The following NOL10 variants were observed in gnomAD, a reference collection of about 807,000 sequenced individuals.
NOL10 encodes nucleolar protein 10, also known as H_NH0074G24.1.
NOL10 carries 58 observed loss-of-function variants against 103.5 expected under a neutral mutation model. That is an observed-to-expected ratio of 0.56 (90% CI 0.45 to 0.70). The LOEUF is 0.70. Ranked by LOEUF, NOL10 falls within the 30% of genes least tolerant of loss-of-function variation. The pLI, the probability that NOL10 is intolerant of heterozygous loss-of-function variation, is 0.00. For synonymous variants in NOL10, 287 were observed against 282.5 expected, an observed-to-expected ratio of 1.02 and a Z score of -0.16; for missense variants, 763 against 807.3, an observed-to-expected ratio of 0.95 and a Z score of 0.67.
At chr2:10,660,260 C>T (rs1289565323) in intron 9 of NOL10, among the ~76,000 whole-genome samples, 1 of 152,210 alleles carries the variant, frequency 6.6e-6, no homozygotes, top group Non-Finnish European at 1.5e-5. Context: ...TCAAAGTATA[C>T]TTAATCATTT....
intron 19 of NOL10, among the ~76,000 whole-genome samples, chr2:10,583,683 C>T (rs923290272): frequency 6.6e-6 from 1 of 152,298 alleles, no homozygotes; most frequent in African/African-American, 2.4e-5. Context: ...GGAGTTTGTG[C>T]TCCTTTTTCT....
chr2:10,658,791 C>T (rs1216787796), intron 10 of NOL10, among the ~76,000 whole-genome samples: 5 of 152,254 alleles, frequency 3.3e-5, no homozygotes, highest in South Asian at 2.1e-4. Flanking sequence ...CAAGAGAATA[C>T]CTATGGCCAA....
Position 10,589,658 on chromosome 2 carries a change from G to A in NOL10, c.1516C>T (p.Leu506=), listed in dbSNP as rs750851307. The A allele has an allele frequency of 6.3e-7, 1 of 1,591,662 alleles. No homozygotes were observed. The highest frequency in any genetic ancestry group is 2.2e-5 in the East Asian group (1 of 44,518). Residue 506 remains leucine (L), a synonymous_variant, in exon 18 of 21, where the codon CTG becomes TTG. Transcript: ENST00000381685. Reference sequence around the variant, plus strand: ...CTAATTTTTGAAACAAGTGGATTCAGAAGCCTAAATTCTTCACTCTCTTCA... The same window carrying A: ...CTAATTTTTGAAACAAGTGGATTCAAAAGCCTAAATTCTTCACTCTCTTCA... The part of the protein sequence containing the change: ...VDEESEEFRL[L]NPLVSKISEK...
intron 13 of NOL10, among the ~76,000 whole-genome samples, chr2:10,629,454 C>T (rs779689493): frequency 3.3e-5 from 5 of 151,724 alleles, no homozygotes; most frequent in Non-Finnish European, 7.4e-5. Flanking sequence ...ACCATATTAA[C>T]AAAGTTTCAG....
chr2:10,636,797 C>T (rs148774298), intron 13 of NOL10, among the ~76,000 whole-genome samples: 1 of 152,252 alleles, frequency 6.6e-6, no homozygotes, highest in Non-Finnish European at 1.5e-5. Flanking sequence ...AAGTACCTCT[C>T]TAACAGACAA....
At chr2:10,631,517 T>C (rs1320210418) in intron 13 of NOL10, among the ~76,000 whole-genome samples, 1 of 152,228 alleles carries the variant, frequency 6.6e-6, no homozygotes, top group Non-Finnish European at 1.5e-5. Flanking sequence ...AATTAACCTA[T>C]CTTCTTAACA....
chr2:10,637,182 C>T (rs1232544519), intron 13 of NOL10, among the ~76,000 whole-genome samples: 4 of 89,412 alleles, frequency 4.5e-5, no homozygotes, highest in Non-Finnish European at 8.2e-5. Flanking sequence ...GAGCAAGACA[C>T]TGTCTCAAAA....
chr2:10,671,477 A>C (rs960752116), intron 6 of NOL10, 77 bp downstream of exon 6: 5 of 1,242,538 alleles, frequency 4.0e-6, no homozygotes, highest in Middle Eastern at 2.0e-4. Context: ...TAAACAGAGA[A>C]AATGTACACG....
At chr2:10,672,552 CAT>C (rs1242505973) in intron 5 of NOL10, among the ~76,000 whole-genome samples, 1 of 152,122 alleles carries the variant, frequency 6.6e-6, no homozygotes, top group Non-Finnish European at 1.5e-5. Flanking sequence ...AGCTGTACCC[CAT>C]AGTTTCCAAA....
chr2:10,647,576 G>C (rs1056505048), intron 12 of NOL10, among the ~76,000 whole-genome samples: 1 of 152,208 alleles, frequency 6.6e-6, no homozygotes, highest in African/African-American at 2.4e-5. Flanking sequence ...GTGTTGGGAA[G>C]TGCTGCGCAA....
intron 5 of NOL10, among the ~76,000 whole-genome samples, chr2:10,672,196 G>A (rs778751879): frequency 2.0e-5 from 3 of 151,932 alleles, no homozygotes; most frequent in South Asian, 2.1e-4. Context: ...GCATGGTGGC[G>A]CATGCCTGTA....
At chr2:10,631,140 C>T (rs1477442299) in intron 13 of NOL10, among the ~76,000 whole-genome samples, 2 of 152,130 alleles carry the variant, frequency 1.3e-5, no homozygotes, top group African/African-American at 4.8e-5. Flanking sequence ...AGATTCAGGG[C>T]CATTTCAACA....
At chr2:10,682,102 T>A in intron 2 of NOL10, 33 bp from the exon 3 acceptor site, 1 of 965,392 alleles carries the variant, frequency 1.0e-6, no homozygotes, top group Non-Finnish European at 1.5e-6. Context: ...CTAGTTTAAC[T>A]AACATGTGCT....
intron 17 of NOL10, among the ~76,000 whole-genome samples, chr2:10,599,522 A>G (rs574201607): frequency 6.6e-6 from 1 of 152,350 alleles, no homozygotes; most frequent in South Asian, 2.1e-4. Flanking sequence ...GAAGGTGCAG[A>G]GCCATTACAC....
In NOL10 at chr2:10,571,907, A is replaced by T; in HGVS notation, c.*164T>A. 1.2e-6 allele frequency: 1 copy of T among 811,834 alleles called. No homozygotes were observed. Among genetic ancestry groups the T allele is most frequent in the Non-Finnish European group, 1.9e-6 (1 of 536,116 alleles). The allele number at this position is 811,834 out of a possible 1,614,324, so 50.3% of individuals were successfully genotyped here. A position where few individuals can be genotyped will look rare whatever the true frequency, so the allele number is the denominator to read the frequency against. Reference sequence around the variant, plus strand: ...TGGCCGTCGGCGGGGCCAGCTTCAAAGTCCAACCCACAAGGCACAGGTTTT... The same window carrying T: ...TGGCCGTCGGCGGGGCCAGCTTCAATGTCCAACCCACAAGGCACAGGTTTT... On this transcript the variant is annotated 3_prime_UTR_variant, in exon 21 of 21. Transcript: ENST00000381685.
intron 17 of NOL10, among the ~76,000 whole-genome samples, chr2:10,599,837 C>T (rs7587114): frequency 0.59 from 89,654 of 151,636 alleles, 27,492 homozygotes; most frequent in African/African-American, 0.74. Flanking sequence ...CCCATGAAGA[C>T]GAGCAATCGC....
intron 12 of NOL10, among the ~76,000 whole-genome samples, chr2:10,649,750 CT>C (rs536704463): frequency 3.9e-5 from 6 of 152,276 alleles, no homozygotes; most frequent in South Asian, 4.1e-4. Flanking sequence ...TGCAGCCCCC[CT>C]GGTCACTGTT....
intron 13 of NOL10, among the ~76,000 whole-genome samples, chr2:10,636,436 A>C (rs1464439134): frequency 6.7e-6 from 1 of 150,206 alleles, no homozygotes; most frequent in Admixed American, 6.6e-5. Flanking sequence ...AAAAAAAAAA[A>C]AAAAAAAAAA....
chr2:10,627,120 G>A (rs1677519889), intron 13 of NOL10, among the ~76,000 whole-genome samples: 1 of 152,122 alleles, frequency 6.6e-6, no homozygotes, highest in Non-Finnish European at 1.5e-5. Context: ...CCTTTGTAAA[G>A]TCACAAACAA....
Sources: gnomAD v4.1 joint callset for allele counts (sites outside exome capture counted in the v4.1 genomes callset) on GRCh38, gnomAD v4.1.1 for gene constraint, MANE v1.5 for transcripts, NCBI Gene and HGNC (gene_info 2026-07-23, HGNC 2026-07-21) for gene names.